The following ARHGEF26 variants were observed in gnomAD, a reference collection of about 807,000 sequenced individuals.
ARHGEF26 encodes Rho guanine nucleotide exchange factor 26, also known as Rho guanine nucleotide exchange factor (GEF) 26.
Under a neutral mutation model 89.4 loss-of-function variants are expected in ARHGEF26, and 59 were observed. The ratio of observed to expected loss-of-function variants is 0.66; its 90% CI spans 0.54 to 0.82. The LOEUF is 0.82. ARHGEF26 is among the 40% of genes least tolerant of loss of function. The probability of loss-of-function intolerance (pLI) is 0.00; values close to 1 mark genes in which losing one functional copy is unlikely to be tolerated. For missense variants in ARHGEF26, 1,234 were observed against 1,085.6 expected, an observed-to-expected ratio of 1.14 and a Z score of -1.92; for synonymous variants, 500 against 428.4, an observed-to-expected ratio of 1.17 and a Z score of -2.06.
At chr3:154,148,131 G>A (rs1719806667) in intron 4 of ARHGEF26, among the ~76,000 whole-genome samples, 2 of 152,204 alleles carry the variant, frequency 1.3e-5, no homozygotes, top group Non-Finnish European at 2.9e-5. Flanking sequence ...GTTACAGGCC[G>A]TGGAAGGACA....
At chr3:154,196,872 G>C (rs1394758981) in intron 9 of ARHGEF26, among the ~76,000 whole-genome samples, 1 of 150,398 alleles carries the variant, frequency 6.6e-6, no homozygotes, top group Non-Finnish European at 1.5e-5. Context: ...TTGCCTGGTT[G>C]TTACTAAGAA....
chr3:154,222,673 TG>T (rs1250038259), intron 10 of ARHGEF26, among the ~76,000 whole-genome samples: 3 of 152,072 alleles, frequency 2.0e-5, no homozygotes, highest in East Asian at 3.8e-4. Flanking sequence ...GAAGAGTGAG[TG>T]GGATGTGAAG....
At chr3:154,190,990 A>AC (rs987454494) in intron 7 of ARHGEF26, among the ~76,000 whole-genome samples, 4 of 152,196 alleles carry the variant, frequency 2.6e-5, no homozygotes, top group African/African-American at 9.7e-5. Flanking sequence ...CCATTATGAT[A>AC]CCACAGCTTC....
Position 154,215,397 on chromosome 3 carries a change from A to ATT in ARHGEF26, c.1846-2460_1846-2459dup, listed in dbSNP as rs57156535. Among the ~76,000 whole-genome samples the ATT allele has an allele frequency of 7.1e-4, 98 of 138,000 alleles. 1 individual carries two copies. Among genetic ancestry groups the ATT allele is most frequent in the African/African-American group, 1.8e-3 (69 of 37,402 alleles). 90.5% of individuals were successfully genotyped at this position (138,000 alleles called of 152,430 possible). On this transcript the variant is annotated intron_variant, in intron 9 of 14. Transcript: ENST00000465093. Reference sequence around the variant, plus strand: ...TTTTACTTTATGATCTCAGTCTGTGATTTTTTTTTTTTTGCCTTTTGTCTG... The same window carrying ATT: ...TTTTACTTTATGATCTCAGTCTGTGATTTTTTTTTTTTTTTGCCTTTTGTCTG...
At chr3:154,204,115 A>G (rs1189993236) in intron 9 of ARHGEF26, among the ~76,000 whole-genome samples, 1 of 152,050 alleles carries the variant, frequency 6.6e-6, no homozygotes, top group Non-Finnish European at 1.5e-5. Flanking sequence ...CAGTGAGGCC[A>G]TTGAGTGTCA....
At chr3:154,244,937 G>T (rs997364934) in intron 12 of ARHGEF26, among the ~76,000 whole-genome samples, 5 of 152,108 alleles carry the variant, frequency 3.3e-5, no homozygotes, top group Non-Finnish European at 5.9e-5. Flanking sequence ...GCTTGTTCTG[G>T]ATTTGGAAGG....
chr3:154,246,717 G>A (rs990890636), intron 12 of ARHGEF26, among the ~76,000 whole-genome samples: 8 of 152,146 alleles, frequency 5.3e-5, no homozygotes, highest in Non-Finnish European at 8.8e-5. Context: ...GAGTAGTCGA[G>A]GGGAGTCCCG....
chr3:154,212,186 A>G (rs1715412083), intron 9 of ARHGEF26, among the ~76,000 whole-genome samples: 1 of 151,994 alleles, frequency 6.6e-6, no homozygotes, highest in Non-Finnish European at 1.5e-5. Flanking sequence ...AGTAAATCAA[A>G]AAATTAGCCT....
Position 154,253,149 on chromosome 3 carries a change from A to T in ARHGEF26, c.2334A>T (p.Gly778=). ...GAGCCCGCTGGATAACTGCCCTGGG[A>T]CACAGCAGCGGGAAGCCGCCTGCAG... ...SERARWITAL[G]HSSGKPPADR... The change falls in exon 13 of 15, where the codon GGA becomes GGT. Residue 778 remains glycine, a synonymous_variant. Transcript: ENST00000465093. 1.9e-6 allele frequency: 3 copies of T among 1,614,030 alleles called. No homozygotes were observed. The highest frequency in any genetic ancestry group is 1.1e-5 in the South Asian group (1 of 91,084).
chr3:154,148,189 AG>A (rs549083527), intron 4 of ARHGEF26, among the ~76,000 whole-genome samples: 211 of 152,316 alleles, frequency 1.4e-3, no homozygotes, highest in African/African-American at 4.7e-3. Flanking sequence ...GCCAGCCATG[AG>A]GAGCCGCTTT....
intron 12 of ARHGEF26, among the ~76,000 whole-genome samples, chr3:154,244,874 G>A (rs1717701803): frequency 6.6e-6 from 1 of 151,180 alleles, no homozygotes; most frequent in South Asian, 2.1e-4. Context: ...TTCTTTTTAC[G>A]GAGAAGCTGC....
chr3:154,175,696 A>G (rs1712775505), intron 6 of ARHGEF26, among the ~76,000 whole-genome samples: 1 of 152,214 alleles, frequency 6.6e-6, no homozygotes, highest in South Asian at 2.1e-4. Context: ...CCAGGGAACA[A>G]TTCTCAATAA....
At position 154,191,356 on chromosome 3, in the gene ARHGEF26, C is replaced by T; in HGVS notation, c.1708C>T (p.Pro570Ser). 6.2e-7 allele frequency: 1 copy of T among 1,613,776 alleles called. No homozygotes were observed. The highest frequency in any genetic ancestry group is 8.5e-7 in the Non-Finnish European group (1 of 1,179,794). The change falls in exon 8 of 15, where the codon CCC (proline) becomes TCC (serine). Residue 570 changes from proline (P) to serine (S), a missense_variant. Pro to Ser is a moderately conservative substitution (Grantham distance 74). Coordinates refer to ENST00000465093, the MANE Select transcript of ARHGEF26 (RefSeq NM_015595.4). Reference sequence around the variant, plus strand: ...GTCCCATGAAGACTGTAGGAACTTACCCATGATCTCTTTTCTCATTCTCCC... The same window carrying T: ...GTCCCATGAAGACTGTAGGAACTTATCCATGATCTCTTTTCTCATTCTCCC... ...IESHEDCRNL[P>S]MISFLILPMQ...
chr3:154,198,478 A>G (rs1714421619), intron 9 of ARHGEF26, among the ~76,000 whole-genome samples: 3 of 152,212 alleles, frequency 2.0e-5, no homozygotes, highest in Admixed American at 2.0e-4. Context: ...GAACTAATCC[A>G]AATGTCCATC....
chr3:154,239,147 G>A (rs761142128), intron 11 of ARHGEF26, among the ~76,000 whole-genome samples: 5 of 152,018 alleles, frequency 3.3e-5, no homozygotes, highest in African/African-American at 4.8e-5. Context: ...CAAGATCATC[G>A]GAGGAGAGTA....
chr3:154,251,996 G>A (rs1718187615), intron 12 of ARHGEF26, among the ~76,000 whole-genome samples: 1 of 152,168 alleles, frequency 6.6e-6, no homozygotes, highest in Admixed American at 6.5e-5. Flanking sequence ...GCAAAAACAG[G>A]GAAGGAATAG....
intron 10 of ARHGEF26, among the ~76,000 whole-genome samples, chr3:154,219,599 A>G (rs71308480): frequency 0.059 from 8,698 of 148,348 alleles, 377 homozygotes; most frequent in Non-Finnish European, 0.088. Flanking sequence ...TTAAAAAAAA[A>G]AAAAGAAAAA....
chr3:154,168,158 A>G (rs1239470792), intron 6 of ARHGEF26, among the ~76,000 whole-genome samples: 1 of 152,226 alleles, frequency 6.6e-6, no homozygotes, highest in Non-Finnish European at 1.5e-5. Flanking sequence ...TAATTTACAG[A>G]TAGTATCCCA....
intron 6 of ARHGEF26, among the ~76,000 whole-genome samples, chr3:154,161,101 TGTGTGTGTG>T (rs1711635065): frequency 3.7e-3 from 4 of 1,088 alleles, no homozygotes; most frequent in African/African-American, 0.03. Context: ...TAGCCAGGTT[TGTGTGTGTG>T]TGTGTGTGTG....
Sources: gnomAD v4.1 joint callset for allele counts (sites outside exome capture counted in the v4.1 genomes callset) on GRCh38, gnomAD v4.1.1 for gene constraint, MANE v1.5 for transcripts, NCBI Gene and HGNC (gene_info 2026-07-23, HGNC 2026-07-21) for gene names.